PRH2: variants seen among roughly 807,000 people sequenced by gnomAD.
The protein encoded by PRH2 is salivary acidic proline-rich phosphoprotein 1/2.
Under a neutral mutation model 22.6 loss-of-function variants are expected in PRH2, and 19 were observed. The observed-to-expected ratio is 0.84, with a 90% CI of 0.59 to 1.23. The LOEUF is 1.23. Ranked by LOEUF, PRH2 falls within the 50% of genes most tolerant of loss-of-function variation. The probability of loss-of-function intolerance (pLI) is 0.00; values close to 1 mark genes in which losing one functional copy is unlikely to be tolerated. For synonymous variants in PRH2, 45 were observed against 72.0 expected (o/e 0.63, Z 1.90); for missense variants, 109 against 203.0 (o/e 0.54, Z 2.81).
At position 10,934,570 on chromosome 12, in the gene PRH2, G is replaced by A. The variant is rs1249126671; in HGVS notation, c.*2363G>A. On this transcript the variant is annotated 3_prime_UTR_variant, in exon 4 of 4. Transcript: ENST00000396400. ...CTGACAATTTCTTCATCTATCACAT[G>A]TACCTGTTATACATACTTATTAATT... Among the ~76,000 whole-genome samples the A allele has an allele frequency of 6.6e-6, 1 of 151,960 alleles. No homozygotes were observed. The highest frequency in any genetic ancestry group is 2.4e-5 in the African/African-American group (1 of 41,372).
chr12:10,932,443 A>G lies in PRH2; in HGVS notation c.*236A>G, dbSNP rs1333667895. The G allele has an allele frequency of 1.0e-5, 2 of 195,602 alleles. No homozygotes were observed. Among genetic ancestry groups the G allele is most frequent in the African/African-American group, 4.6e-5 (2 of 43,312 alleles). The allele number at this position is 195,602 out of a possible 1,614,324, so 12.1% of individuals were successfully genotyped here. A position where few individuals can be genotyped will look rare whatever the true frequency, so the allele number is the denominator to read the frequency against. On this transcript the variant is annotated 3_prime_UTR_variant, in exon 4 of 4. Transcript: ENST00000396400. ...TTTCCAGCAAGCTTCTTTCCTCCTTATCCTTATTAAGTCATCTGCCTGGGG... is the reference window on the plus strand; with the variant it reads ...TTTCCAGCAAGCTTCTTTCCTCCTTGTCCTTATTAAGTCATCTGCCTGGGG...
chr12:10,932,717 T>C lies in PRH2; in HGVS notation c.*510T>C, dbSNP rs143603996. ...AAGCCACTAGACCTATTTTCCCCTATTTTATCACTGATCAGTTCTGTCCCT... is the reference window on the plus strand; with the variant it reads ...AAGCCACTAGACCTATTTTCCCCTACTTTATCACTGATCAGTTCTGTCCCT... On this transcript the variant is annotated 3_prime_UTR_variant, in exon 4 of 4. Coordinates refer to ENST00000396400, the MANE Select transcript of PRH2 (RefSeq NM_001110213.1). 1.3e-3 allele frequency among the ~76,000 whole-genome samples: 202 copies of C among 152,230 alleles called. 5 individuals are homozygous for C. The East Asian group carries it at 0.036, about 27-fold the overall frequency.
chr12:10,933,155 A>C lies in PRH2; in HGVS notation c.*948A>C, dbSNP rs1950237768. On this transcript the variant is annotated 3_prime_UTR_variant, in exon 4 of 4. Transcript: ENST00000396400. ...CAGGTAAAGCTTAAACAAGTGTTTT[A>C]AAAGATGAGTTTTTCCTACATTCTG... 1.3e-5 allele frequency among the ~76,000 whole-genome samples: 2 copies of C among 152,154 alleles called. No individual in the cohort carries two copies. Among genetic ancestry groups the C allele is most frequent in the African/African-American group, 4.8e-5 (2 of 41,452 alleles).
Position 10,934,142 on chromosome 12 carries a change from T to A in PRH2, c.*1935T>A, listed in dbSNP as rs1259983277. ...CCTAGTCTTCGAATTTTTAATGCCA[T>A]TGTGATAGCAAGCATCTGATTATTT... On this transcript the variant is annotated 3_prime_UTR_variant, in exon 4 of 4. Transcript: ENST00000396400. Among the ~76,000 whole-genome samples the A allele has an allele frequency of 6.6e-6, 1 of 152,200 alleles. No individual in the cohort carries two copies. The highest frequency in any genetic ancestry group is 6.5e-5 in the Admixed American group (1 of 15,282).
At position 10,932,438 on chromosome 12, in the gene PRH2, T is replaced by TG. The variant is rs903231301; in HGVS notation, c.*231_*232insG. 6.5e-5 allele frequency: 11 copies of TG among 169,432 alleles called. No homozygotes were observed. The highest frequency in any genetic ancestry group is 1.1e-4 in the Non-Finnish European group (8 of 74,784). 10.5% of individuals were successfully genotyped at this position (169,432 alleles called of 1,614,324 possible). ...TGATGTTTCCAGCAAGCTTCTTTCC[T>TG]CCTTATCCTTATTAAGTCATCTGCC... On this transcript the variant is annotated 3_prime_UTR_variant, in exon 4 of 4. Coordinates refer to ENST00000396400, the MANE Select transcript of PRH2 (RefSeq NM_001110213.1).
At position 10,933,890 on chromosome 12, in the gene PRH2, A is replaced by G. The variant is rs1312989190; in HGVS notation, c.*1683A>G. ...ACATAACAGAGATACATATATTCAAATGGAAGGAGTAAAATTACCACCACA... is the reference window on the plus strand; with the variant it reads ...ACATAACAGAGATACATATATTCAAGTGGAAGGAGTAAAATTACCACCACA... On this transcript the variant is annotated 3_prime_UTR_variant, in exon 4 of 4. Transcript: ENST00000396400. Among the ~76,000 whole-genome samples, 16 of 152,266 alleles carry G rather than the reference A, an allele frequency of 1.1e-4. No homozygotes were observed. The highest frequency in any genetic ancestry group is 3.8e-4 in the African/African-American group (16 of 41,596).
chr12:10,931,117 C>T (rs752763054), intron 3 of PRH2, 37 bp downstream of exon 3: 3 of 1,580,212 alleles, frequency 1.9e-6, no homozygotes, highest in East Asian at 2.2e-5. Flanking sequence ...AAGGCTCCAA[C>T]TGCTACAGTT....
rs1207207277 is a variant in PRH2, at chr12:10,930,201, G to A, written c.65-68G>A. 1.6e-5 allele frequency: 25 copies of A among 1,552,544 alleles called. No homozygotes were observed. In the East Asian group the frequency reaches 1.8e-4, roughly 11 times the overall value. ...GTGTGATCAGAGGTCCTTTATCCTC[G>A]TAGAACACTATGAGCTCTGAATGAT... On this transcript the variant is annotated intron_variant, in intron 1 of 3. Coordinates refer to ENST00000396400, the MANE Select transcript of PRH2 (RefSeq NM_001110213.1).
intron 3 of PRH2, 128 bp downstream of exon 3, chr12:10,931,208 G>A (rs1591692005): frequency 1.3e-6 from 2 of 1,515,270 alleles, no homozygotes; most frequent in South Asian, 1.3e-5. Context: ...CATGAGTTTT[G>A]TTCAAATATT....
chr12:10,931,796 ATCTCT>A (rs1217409895), intron 3 of PRH2, among the ~76,000 whole-genome samples: 1 of 151,148 alleles, frequency 6.6e-6, no homozygotes, highest in East Asian at 1.9e-4. Context: ...GTTTATTTAG[ATCTCT>A]TCAGTGTTTA....
chr12:10,931,330 A>G (rs1342292223), intron 3 of PRH2, among the ~76,000 whole-genome samples: 2 of 152,212 alleles, frequency 1.3e-5, no homozygotes, highest in Non-Finnish European at 2.9e-5. Context: ...GAATGAGGAC[A>G]TAGAATCATG....
chr12:10,929,436 CAGAT>C (rs749615228), intron 1 of PRH2, 99 bp downstream of exon 1: 160 of 1,450,660 alleles, frequency 1.1e-4, no homozygotes, highest in Non-Finnish European at 1.5e-4. Context: ...GATGAGAAAA[CAGAT>C]AGGACTGAAG....
chr12:10,931,291 T>C, intron 3 of PRH2: 1 of 1,031,246 alleles, frequency 9.7e-7, no homozygotes, highest in Non-Finnish European at 1.4e-6. Flanking sequence ...AATCACTATC[T>C]TCAAATTACC....
chr12:10,930,581 C>A, intron 2 of PRH2, 81 bp from the exon 3 acceptor site: 1 of 1,581,176 alleles, frequency 6.3e-7, no homozygotes, highest in Non-Finnish European at 8.6e-7. Context: ...GAGGGGCCGG[C>A]CGTGTGGTGA....
At chr12:10,930,537 G>T (rs1950190299) in intron 2 of PRH2, 125 bp from the exon 3 acceptor site, 2 of 1,522,128 alleles carry the variant, frequency 1.3e-6, no homozygotes, top group African/African-American at 2.8e-5. Context: ...TTGGGAAGGG[G>T]GGAGGTTGGG....
At position 10,930,737 on chromosome 12, in the gene PRH2, C is replaced by T; in HGVS notation, c.176C>T (p.Ser59Phe). 1 of 1,613,704 alleles carries T rather than the reference C, an allele frequency of 6.2e-7. No homozygotes were observed. The highest frequency in any genetic ancestry group is 8.5e-7 in the Non-Finnish European group (1 of 1,179,698). ...PPLGGQQSQP[S>F]AGDGNQNDGP... ...TTGGGAGGACAGCAATCTCAACCCT[C>T]TGCTGGTGATGGGAACCAGAATGAT... Residue 59 changes from serine (S) to phenylalanine (F), a missense_variant, in exon 3 of 4, where the codon TCT becomes TTT. Ser to Phe is a radical substitution (Grantham distance 155). This residue lies in a region of PRH2 where 14 missense variants were observed against 31.0 expected (regional missense o/e 0.45). Coordinates refer to ENST00000396400, the MANE Select transcript of PRH2 (RefSeq NM_001110213.1).
chr12:10,930,403 C>G, intron 2 of PRH2, 99 bp downstream of exon 2: 1 of 1,517,444 alleles, frequency 6.6e-7, no homozygotes, highest in Non-Finnish European at 9.1e-7. Flanking sequence ...CAGGAATTGG[C>G]TAATATCAGT....
intron 2 of PRH2, 58 bp from the exon 3 acceptor site, chr12:10,930,604 A>G: frequency 1.2e-6 from 2 of 1,604,430 alleles, no homozygotes; most frequent in Non-Finnish European, 8.5e-7. Context: ...ACAGAGAGAT[A>G]TGAAGACAGG....
intron 1 of PRH2, among the ~76,000 whole-genome samples, chr12:10,929,616 G>C (rs1243669897): frequency 2.0e-5 from 3 of 152,182 alleles, no homozygotes; most frequent in Admixed American, 1.3e-4. Context: ...AGGATATGGA[G>C]AATGCAAGAC....
Sources: allele counts gnomAD v4.1 joint callset (sites outside exome capture counted in the v4.1 genomes callset), GRCh38; gene constraint gnomAD v4.1.1; regional missense constraint gnomAD v4.1.1; transcripts MANE v1.5; gene names NCBI Gene and HGNC (gene_info 2026-07-23, HGNC 2026-07-21).